The following NPHP1 variants were observed in gnomAD, a reference collection of about 807,000 sequenced individuals.
NPHP1 encodes the protein nephrocystin 1, also known as nephrocystin-1.
NPHP1 carries 70 observed loss-of-function variants against 90.4 expected under a neutral mutation model. That is an observed-to-expected ratio of 0.77 (90% CI 0.64 to 0.95). The LOEUF is 0.95. Among genes scored for constraint, NPHP1 ranks in the 40% least tolerant of loss-of-function variants. NPHP1 has a pLI of 0.00. For missense variants in NPHP1, 764 were observed against 795.9 expected, an observed-to-expected ratio of 0.96 and a Z score of 0.48; for synonymous variants, 256 against 271.7, an observed-to-expected ratio of 0.94 and a Z score of 0.57.
At chr2:110,133,699 G>A (rs1159190820) in intron 16 of NPHP1, among the ~76,000 whole-genome samples, 1 of 151,922 alleles carries the variant, frequency 6.6e-6, no homozygotes, top group Non-Finnish European at 1.5e-5. Context: ...CAATCATAAT[G>A]AAATGAAACT....
At chr2:110,203,566 A>C (rs538285577) in intron 1 of NPHP1, among the ~76,000 whole-genome samples, 2 of 152,142 alleles carry the variant, frequency 1.3e-5, no homozygotes. Flanking sequence ...AGTCACCTAA[A>C]TATTTACCTT....
chr2:110,160,270 A>C lies in NPHP1; in HGVS notation c.955-15T>G, dbSNP rs1160576809. 3 of 1,594,408 alleles carry C rather than the reference A, an allele frequency of 1.9e-6. No homozygotes were observed. Among genetic ancestry groups the C allele is most frequent in the East Asian group, 2.2e-5 (1 of 44,698 alleles). ...CTCGACCTAATCTGAAAGAAAAATT[A>C]GTTATAAAAAAGTTTATTTTTATGA... On this transcript the variant is annotated splice_polypyrimidine_tract_variant and intron_variant, in intron 10 of 19. Coordinates refer to ENST00000445609, the MANE Select transcript of NPHP1 (RefSeq NM_001128178.3).
At chr2:110,168,089 G>A (rs1172371151) in intron 6 of NPHP1, among the ~76,000 whole-genome samples, 1 of 152,168 alleles carries the variant, frequency 6.6e-6, no homozygotes, top group Non-Finnish European at 1.5e-5. Flanking sequence ...AAACACACAT[G>A]TATAGTATGT....
intron 2 of NPHP1, among the ~76,000 whole-genome samples, chr2:110,190,376 C>T (rs1046781502): frequency 1.1e-4 from 17 of 152,304 alleles, no homozygotes; most frequent in East Asian, 5.8e-4. Context: ...AGCCCTGCCC[C>T]GCGGGAAGGC....
chr2:110,147,158 G>C (rs1392454281), intron 13 of NPHP1, among the ~76,000 whole-genome samples: 1 of 152,068 alleles, frequency 6.6e-6, no homozygotes, highest in Non-Finnish European at 1.5e-5. Context: ...TACTACATGG[G>C]ATGATGAACC....
chr2:110,204,455 C>T (rs1195970670), intron 1 of NPHP1, among the ~76,000 whole-genome samples: 1 of 152,080 alleles, frequency 6.6e-6, no homozygotes, highest in Non-Finnish European at 1.5e-5. Context: ...CGCTTGAGTT[C>T]ACGGAGGCAA....
intron 2 of NPHP1, among the ~76,000 whole-genome samples, chr2:110,193,859 A>T (rs142136351): frequency 0.037 from 5,604 of 152,280 alleles, 150 homozygotes; most frequent in Middle Eastern, 0.075. Flanking sequence ...AAACTCACTC[A>T]AAACCACTAA....
intron 2 of NPHP1, among the ~76,000 whole-genome samples, chr2:110,199,841 G>C (rs1685443999): frequency 6.6e-6 from 1 of 152,124 alleles, no homozygotes; most frequent in African/African-American, 2.4e-5. Flanking sequence ...TCAGAGCACT[G>C]AGCAGATAAA....
intron 8 of NPHP1, chr2:110,164,045 T>C (rs922004188): frequency 1.9e-5 from 3 of 155,814 alleles, no homozygotes; most frequent in African/African-American, 7.2e-5. Flanking sequence ...AATTACTTTT[T>C]TTTTTTTAAG....
intron 2 of NPHP1, among the ~76,000 whole-genome samples, chr2:110,199,642 C>T (rs977841219): frequency 6.6e-6 from 1 of 151,824 alleles, no homozygotes; most frequent in Non-Finnish European, 1.5e-5. Flanking sequence ...AAAAACATCT[C>T]CCATACAAAC....
At chr2:110,168,342 T>C (rs1286400196) in intron 6 of NPHP1, 110 bp downstream of exon 6, 3 of 750,518 alleles carry the variant, frequency 4.0e-6, no homozygotes, top group South Asian at 1.5e-5. Context: ...AAGCAAATTC[T>C]ATATCTCAAG....
chr2:110,145,307 T>C (rs1019042346), intron 14 of NPHP1, among the ~76,000 whole-genome samples: 5 of 152,158 alleles, frequency 3.3e-5, no homozygotes, highest in Non-Finnish European at 7.3e-5. Context: ...TTTTGCTTTT[T>C]GGAGGCAGAA....
intron 16 of NPHP1, among the ~76,000 whole-genome samples, chr2:110,135,472 G>A (rs143911539): frequency 0.023 from 1,996 of 85,260 alleles, 59 homozygotes; most frequent in African/African-American, 0.088. Context: ...GCGAGACCCC[G>A]TCTCAAAAAA....
intron 16 of NPHP1, 77 bp from the exon 17 acceptor site, chr2:110,131,868 T>G: frequency 2.1e-6 from 2 of 973,630 alleles, no homozygotes; most frequent in Non-Finnish European, 3.2e-6. Flanking sequence ...GTATATTACT[T>G]TAATAAACAG....
intron 2 of NPHP1, among the ~76,000 whole-genome samples, chr2:110,186,223 C>T (rs1372007540): frequency 6.6e-6 from 1 of 152,188 alleles, no homozygotes; most frequent in African/African-American, 2.4e-5. Context: ...AATCAACAGG[C>T]TGGTTGCTGG....
At chr2:110,189,762 C>T (rs1290153871) in intron 2 of NPHP1, among the ~76,000 whole-genome samples, 1 of 152,096 alleles carries the variant, frequency 6.6e-6, no homozygotes, top group Non-Finnish European at 1.5e-5. Context: ...CAAAGGTTCT[C>T]CAGGTCCCCA....
chr2:110,164,435 A>G (rs1682561867), intron 8 of NPHP1: 3 of 760,090 alleles, frequency 3.9e-6, no homozygotes, highest in Non-Finnish European at 7.0e-6. Context: ...AGGATCAATG[A>G]GAATGTTTCC....
At position 110,204,897 on chromosome 2, in the gene NPHP1, T is replaced by A; in HGVS notation, c.69+3A>T. On this transcript the variant is annotated splice_donor_region_variant and intron_variant, in intron 1 of 19. Transcript: ENST00000445609. The stretch of plus-strand genomic sequence containing the variant: ...CAGGGCCCTCTGCACAGCCTGACCA[T>A]ACCTGTTGCTTCAGCTCCTGATTGC... The A allele has an allele frequency of 6.2e-7, 1 of 1,613,834 alleles. No individual in the cohort carries two copies. The highest frequency in any genetic ancestry group is 8.5e-7 in the Non-Finnish European group (1 of 1,179,850).
chr2:110,174,081 G>A (rs1683346842), intron 4 of NPHP1, among the ~76,000 whole-genome samples: 1 of 151,958 alleles, frequency 6.6e-6, no homozygotes, highest in Non-Finnish European at 1.5e-5. Flanking sequence ...TGTAGAACAT[G>A]GAATACCTTT....
Sources: gnomAD v4.1 joint callset for allele counts (sites outside exome capture counted in the v4.1 genomes callset) on GRCh38, gnomAD v4.1.1 for gene constraint, MANE v1.5 for transcripts, NCBI Gene and HGNC (gene_info 2026-07-23, HGNC 2026-07-21) for gene names.